Variants in PRKCB observed in about 807,000 individuals in gnomAD.
PRKCB encodes the protein protein kinase C beta.
PRKCB carries 13 observed loss-of-function variants against 81.5 expected under a neutral mutation model. The ratio of observed to expected loss-of-function variants is 0.16; its 90% CI spans 0.10 to 0.25. The LOEUF is 0.25. Among genes scored for constraint, PRKCB ranks in the 10% least tolerant of loss-of-function variants. The pLI is 1.00. For missense variants in PRKCB, 509 were observed against 875.7 expected (o/e 0.58, Z 5.29); for synonymous variants, 335 against 321.4 (o/e 1.04, Z -0.45).
At chr16:24,004,017 A>G (rs1596506830) in intron 3 of PRKCB, among the ~76,000 whole-genome samples, 2 of 152,224 alleles carry the variant, frequency 1.3e-5, no homozygotes, top group South Asian at 4.1e-4. Context: ...CACGGACATT[A>G]TGCATTCAAA....
intron 5 of PRKCB, among the ~76,000 whole-genome samples, chr16:24,042,223 G>A (rs1363773184): frequency 6.6e-6 from 1 of 152,164 alleles, no homozygotes; most frequent in Non-Finnish European, 1.5e-5. Flanking sequence ...CCACTAGGGG[G>A]CAGTCTCTGC....
intron 5 of PRKCB, among the ~76,000 whole-genome samples, 163 bp downstream of exon 5, chr16:24,035,710 G>C (rs1965607464): frequency 6.6e-6 from 1 of 152,152 alleles, no homozygotes; most frequent in South Asian, 2.1e-4. Context: ...GCCCATGACA[G>C]CCCCTCCCTG....
At chr16:24,175,945 C>G (rs1401220554) in intron 12 of PRKCB, among the ~76,000 whole-genome samples, 3 of 146,476 alleles carry the variant, frequency 2.0e-5, no homozygotes, top group Non-Finnish European at 3.0e-5. Flanking sequence ...GCATTCCAGC[C>G]TGCGTGACAC....
At chr16:23,988,901 T>C (rs1377482985) in intron 3 of PRKCB, among the ~76,000 whole-genome samples, 1 of 152,194 alleles carries the variant, frequency 6.6e-6, no homozygotes, top group Non-Finnish European at 1.5e-5. Context: ...GTTTCGGTGG[T>C]ACTTTGCAGT....
chr16:24,108,912 C>A (rs1265455349), intron 7 of PRKCB, among the ~76,000 whole-genome samples: 1 of 150,306 alleles, frequency 6.7e-6, no homozygotes, highest in Non-Finnish European at 1.5e-5. Context: ...GGGCTCCTCA[C>A]TTCCCAGTAG....
intron 8 of PRKCB, among the ~76,000 whole-genome samples, chr16:24,117,957 C>T (rs1366361413): frequency 6.6e-6 from 1 of 152,218 alleles, no homozygotes; most frequent in Non-Finnish European, 1.5e-5. Context: ...TTTCAATGTG[C>T]CCTGTGCGCT....
At chr16:24,037,643 G>A (rs1413305642) in intron 5 of PRKCB, among the ~76,000 whole-genome samples, 1 of 152,018 alleles carries the variant, frequency 6.6e-6, no homozygotes, top group Admixed American at 6.6e-5. Flanking sequence ...CACCTCCTAT[G>A]GGCATTCCTT....
intron 2 of PRKCB, among the ~76,000 whole-genome samples, chr16:23,962,116 C>T (rs946420484): frequency 6.6e-6 from 1 of 152,192 alleles, no homozygotes; most frequent in Admixed American, 6.5e-5. Flanking sequence ...TCCACTCCTG[C>T]CTGCCTGAGT....
chr16:24,181,908 A>G (rs569069930), intron 13 of PRKCB, among the ~76,000 whole-genome samples: 36 of 152,116 alleles, frequency 2.4e-4, no homozygotes, highest in African/African-American at 8.4e-4. Context: ...TTTCAAACTG[A>G]TTTTATAACA....
At chr16:24,078,016 C>T (rs1966202645) in intron 5 of PRKCB, among the ~76,000 whole-genome samples, 1 of 152,212 alleles carries the variant, frequency 6.6e-6, no homozygotes, top group African/African-American at 2.4e-5. Flanking sequence ...AAATTAAACC[C>T]ATCACTTAAC....
chr16:24,154,997 T>G, intron 10 of PRKCB, 140 bp downstream of exon 10: 1 of 1,045,472 alleles, frequency 9.6e-7, no homozygotes, highest in Non-Finnish European at 1.4e-6. Context: ...CCCAGGGAAG[T>G]CAGCTGAGAG....
chr16:23,876,335 C>T (rs888621326), intron 2 of PRKCB, among the ~76,000 whole-genome samples: 35 of 152,262 alleles, frequency 2.3e-4, no homozygotes, highest in African/African-American at 8.2e-4. Flanking sequence ...GTCACTAATC[C>T]ACCAAACTCT....
At chr16:24,133,313 C>T (rs1335473712) in intron 9 of PRKCB, among the ~76,000 whole-genome samples, 1 of 152,206 alleles carries the variant, frequency 6.6e-6, no homozygotes, top group Non-Finnish European at 1.5e-5. Flanking sequence ...TCTGTTCATC[C>T]TCATCACTCT....
intron 2 of PRKCB, among the ~76,000 whole-genome samples, chr16:23,983,123 A>C (rs1181019082): frequency 2.0e-5 from 3 of 151,956 alleles, no homozygotes; most frequent in South Asian, 2.1e-4. Flanking sequence ...TAAAAAAAAA[A>C]AAAACAGAAA....
intron 2 of PRKCB, among the ~76,000 whole-genome samples, chr16:23,961,547 A>G (rs1179350942): frequency 1.3e-5 from 2 of 152,214 alleles, no homozygotes; most frequent in Non-Finnish European, 2.9e-5. Context: ...TTCTTTCCTT[A>G]GAGTCCCACT....
rs1320070197 is a variant in PRKCB, at chr16:24,216,915, GGCA to G, written c.*2104_*2106del. On this transcript the variant is annotated 3_prime_UTR_variant, in exon 17 of 17. Coordinates refer to ENST00000643927, the MANE Select transcript of PRKCB (RefSeq NM_002738.7). ...CAGGGTGCTTTCTGCTCTGTAGCAAGGCAGCAGACATCTCTGAGCCAGGCCCAC... is the reference window on the plus strand; with the variant it reads ...CAGGGTGCTTTCTGCTCTGTAGCAAGGCAGACATCTCTGAGCCAGGCCCAC... The G allele has an allele frequency of 3.0e-6, 3 of 985,460 alleles. No homozygotes were observed. In the African/African-American group the frequency reaches 5.2e-5, roughly 17 times the overall value. 61.0% of individuals were successfully genotyped at this position (985,460 alleles called of 1,614,324 possible).
chr16:23,925,518 G>T (rs1156696556), intron 2 of PRKCB, among the ~76,000 whole-genome samples: 1 of 152,042 alleles, frequency 6.6e-6, no homozygotes, highest in Non-Finnish European at 1.5e-5. Context: ...GGGATCCAAG[G>T]ACTCCATTCT....
intron 2 of PRKCB, among the ~76,000 whole-genome samples, chr16:23,884,066 C>T (rs529301062): frequency 8.5e-5 from 13 of 152,330 alleles, no homozygotes; most frequent in South Asian, 8.3e-4. Context: ...GTATTTTACA[C>T]GTACAGCACA....
At chr16:23,966,348 A>G (rs1282630859) in intron 2 of PRKCB, among the ~76,000 whole-genome samples, 12 of 152,248 alleles carry the variant, frequency 7.9e-5, no homozygotes, top group Non-Finnish European at 1.5e-5. Flanking sequence ...GACTGCCTGG[A>G]TTTGAATGCT....
Sources: allele counts gnomAD v4.1 joint callset (sites outside exome capture counted in the v4.1 genomes callset), GRCh38; gene constraint gnomAD v4.1.1; transcripts MANE v1.5; gene names NCBI Gene and HGNC (gene_info 2026-07-23, HGNC 2026-07-21).